The following RBFOX1 variants were observed in gnomAD, a reference collection of about 807,000 sequenced individuals.
RBFOX1 encodes RNA binding fox-1 homolog 1.
RBFOX1 carries 8 observed loss-of-function variants against 57.7 expected under a neutral mutation model. The ratio of observed to expected loss-of-function variants is 0.14; its 90% confidence interval spans 0.08 to 0.25. RBFOX1 has a LOEUF of 0.25. RBFOX1 is among the 10% of genes least tolerant of loss of function. The probability of loss-of-function intolerance (pLI) is 1.00; values close to 1 mark genes in which losing one functional copy is unlikely to be tolerated. For missense variants in RBFOX1, 611 were observed against 548.5 expected (o/e 1.11, Z -1.14); for synonymous variants, 326 against 222.4 (o/e 1.47, Z -4.15).
At chr16:6,728,583 A>G (rs1264914218) in intron 3 of RBFOX1, among the ~76,000 whole-genome samples, 1 of 152,206 alleles carries the variant, frequency 6.6e-6, no homozygotes, top group African/African-American at 2.4e-5. Context: ...ATTACTCAAT[A>G]TAGGGAAGCA....
intron 3 of RBFOX1, among the ~76,000 whole-genome samples, chr16:6,881,238 T>C (rs190379345): frequency 6.6e-6 from 1 of 152,160 alleles, no homozygotes; most frequent in Non-Finnish European, 1.5e-5. Flanking sequence ...GAATTAGATA[T>C]AAGGTTCCCA....
At chr16:5,278,264 G>A (rs1329543642) in intron 1 of RBFOX1, among the ~76,000 whole-genome samples, 1 of 152,180 alleles carries the variant, frequency 6.6e-6, no homozygotes, top group East Asian at 1.9e-4. Context: ...TAGTGACGTT[G>A]AATATTTTTT....
intron 13 of RBFOX1, among the ~76,000 whole-genome samples, chr16:7,665,743 T>C (rs971701219): frequency 5.3e-5 from 8 of 152,164 alleles, no homozygotes; most frequent in Admixed American, 2.6e-4. Flanking sequence ...TTGGGAGATA[T>C]TCCCTAAATC....
intron 4 of RBFOX1, among the ~76,000 whole-genome samples, chr16:5,965,018 G>A (rs963178541): frequency 6.6e-6 from 1 of 152,102 alleles, no homozygotes; most frequent in Non-Finnish European, 1.5e-5. Flanking sequence ...TATGCTAGGT[G>A]AAGTAAGCCA....
intron 1 of RBFOX1, among the ~76,000 whole-genome samples, chr16:5,336,559 C>T (rs900397337): frequency 5.9e-5 from 9 of 152,190 alleles, no homozygotes; most frequent in African/African-American, 1.9e-4. Context: ...CAACTTGATC[C>T]CTGGTCCTGT....
chr16:6,634,812 T>C (rs2098418925), intron 2 of RBFOX1, among the ~76,000 whole-genome samples: 1 of 140,006 alleles, frequency 7.1e-6, no homozygotes, highest in Non-Finnish European at 1.5e-5. Context: ...TTGTATTATA[T>C]ATAATACAAA....
chr16:6,317,084 A>G (rs1410362206), intron 2 of RBFOX1, 27 bp downstream of exon 2: 1 of 1,511,406 alleles, frequency 6.6e-7, no homozygotes, highest in Non-Finnish European at 8.9e-7. Flanking sequence ...TTGAACATTC[A>G]TTCCATAAAT....
chr16:6,854,904 A>C (rs1396753369), intron 3 of RBFOX1, among the ~76,000 whole-genome samples: 2 of 151,624 alleles, frequency 1.3e-5, no homozygotes, highest in Non-Finnish European at 2.9e-5. Context: ...GAGGTGAATA[A>C]TTTTTTTATT....
At chr16:6,480,799 T>C (rs1466221518) in intron 2 of RBFOX1, among the ~76,000 whole-genome samples, 2 of 152,184 alleles carry the variant, frequency 1.3e-5, no homozygotes, top group East Asian at 3.8e-4. Context: ...TACCTTATAG[T>C]GTGTATTTTT....
chr16:5,576,751 A>C (rs1013058216), intron 2 of RBFOX1, among the ~76,000 whole-genome samples: 2 of 152,222 alleles, frequency 1.3e-5, no homozygotes, highest in Admixed American at 6.5e-5. Flanking sequence ...TTCTGGGTGG[A>C]TGTCAGCAAG....
rs563166691 is a variant in RBFOX1, at chr16:7,505,010, A to C, written c.28-13137A>C. Among the ~76,000 whole-genome samples the C allele has an allele frequency of 1.6e-4, 24 of 150,584 alleles. No homozygotes were observed. The South Asian group carries it at 4.6e-3, about 29-fold the overall frequency. ...AATGTTAGGATATTCTAATGGGGAA[A>C]CTTTTTTCAGTAATGCAGGGCAACG... On this transcript the variant is annotated intron_variant, in intron 4 of 15. Coordinates refer to ENST00000550418, the MANE Select transcript of RBFOX1 (RefSeq NM_018723.4).
chr16:7,057,676 C>T (rs1223932857), intron 4 of RBFOX1, among the ~76,000 whole-genome samples: 1 of 152,122 alleles, frequency 6.6e-6, no homozygotes, highest in Non-Finnish European at 1.5e-5. Flanking sequence ...GGGAAGACTT[C>T]ATTACTGGGG....
At position 7,427,540 on chromosome 16, in the gene RBFOX1, T is replaced by G. The variant is rs568324418; in HGVS notation, c.28-90607T>G. On this transcript the variant is annotated intron_variant, in intron 4 of 15. Coordinates refer to ENST00000550418, the MANE Select transcript of RBFOX1 (RefSeq NM_018723.4). ...AGTCTCTAACCAACTTCTGAGACAT[T>G]AGGCCATCCTTTCCCCTCCAATTTT... Among the ~76,000 whole-genome samples the G allele has an allele frequency of 1.1e-3, 175 of 152,298 alleles. 1 individual carries two copies. The highest frequency in any genetic ancestry group is 3.8e-3 in the African/African-American group (160 of 41,572).
intron 3 of RBFOX1, among the ~76,000 whole-genome samples, chr16:6,867,510 G>T (rs1045453649): frequency 1.3e-5 from 2 of 152,124 alleles, no homozygotes; most frequent in African/African-American, 4.8e-5. Flanking sequence ...CTTGAGGTCA[G>T]GAGTTCGAGA....
At chr16:7,230,141 C>T (rs144276525) in intron 4 of RBFOX1, among the ~76,000 whole-genome samples, 1 of 151,276 alleles carries the variant, frequency 6.6e-6, no homozygotes, top group Non-Finnish European at 1.5e-5. Flanking sequence ...GGAAGGCCTC[C>T]TCATCCTTTT....
At chr16:5,892,903 G>C (rs1567678817) in intron 4 of RBFOX1, among the ~76,000 whole-genome samples, 1 of 152,174 alleles carries the variant, frequency 6.6e-6, no homozygotes, top group Non-Finnish European at 1.5e-5. Flanking sequence ...AACAGGGGCT[G>C]TAGGCCTTGA....
At chr16:7,043,095 C>G (rs8046492) in intron 3 of RBFOX1, among the ~76,000 whole-genome samples, 37,915 of 151,846 alleles carry the variant, frequency 0.25, 5,390 homozygotes, top group East Asian at 0.46. Context: ...TTCACGGTAT[C>G]TTGTTTCTGT....
At chr16:7,158,323 T>A (rs747074056) in intron 4 of RBFOX1, among the ~76,000 whole-genome samples, 5 of 152,020 alleles carry the variant, frequency 3.3e-5, no homozygotes, top group Non-Finnish European at 5.9e-5. Flanking sequence ...TCTACCCTGG[T>A]CAACAAGAGT....
At chr16:6,005,306 A>G (rs1017020386) in intron 4 of RBFOX1, among the ~76,000 whole-genome samples, 4 of 152,184 alleles carry the variant, frequency 2.6e-5, no homozygotes, top group Admixed American at 6.5e-5. Context: ...TTCTTGGATA[A>G]TGTTTCATAA....
Sources: gnomAD v4.1 joint callset for allele counts (sites outside exome capture counted in the v4.1 genomes callset) on GRCh38, gnomAD v4.1.1 for gene constraint, MANE v1.5 for transcripts, NCBI Gene and HGNC (gene_info 2026-07-23, HGNC 2026-07-21) for gene names.